The following KIAA1217 variants were observed in gnomAD, a reference collection of about 807,000 sequenced individuals.
KIAA1217 encodes sickle tail protein homolog.
Under a neutral mutation model 163.9 loss-of-function variants are expected in KIAA1217, and 88 were observed. That is an observed-to-expected ratio of 0.54 (90% CI 0.45 to 0.64). The LOEUF (loss-of-function observed/expected upper bound fraction) is 0.64, where lower values mean the gene tolerates loss of function less well. KIAA1217 is among the 30% of genes least tolerant of loss of function. The probability of loss-of-function intolerance (pLI) is 0.00; values close to 1 mark genes in which losing one functional copy is unlikely to be tolerated. For missense variants in KIAA1217, 2,372 were observed against 2,475.0 expected, an observed-to-expected ratio of 0.96 and a Z score of 0.88; for synonymous variants, 903 against 923.1, an observed-to-expected ratio of 0.98 and a Z score of 0.39.
intron 2 of KIAA1217, among the ~76,000 whole-genome samples, chr10:24,328,441 A>G (rs1014527341): frequency 6.6e-6 from 1 of 151,372 alleles, no homozygotes; most frequent in African/African-American, 2.4e-5. Flanking sequence ...TGAGAAAAGA[A>G]CTCAGATAAG....
intron 1 of KIAA1217, among the ~76,000 whole-genome samples, chr10:23,726,031 T>C (rs969373632): frequency 6.6e-6 from 1 of 152,170 alleles, no homozygotes; most frequent in Non-Finnish European, 1.5e-5. Context: ...AAAGGGACCA[T>C]TCTGTATGGA....
At chr10:23,941,263 T>G (rs1464035818) in intron 1 of KIAA1217, among the ~76,000 whole-genome samples, 1 of 152,208 alleles carries the variant, frequency 6.6e-6, no homozygotes, top group African/African-American at 2.4e-5. Flanking sequence ...GAAAACATCA[T>G]TTTTATTACA....
intron 1 of KIAA1217, among the ~76,000 whole-genome samples, chr10:23,831,456 G>A (rs540512681): frequency 6.6e-6 from 1 of 152,042 alleles, no homozygotes; most frequent in African/African-American, 2.4e-5. Context: ...TAAAAGAAAG[G>A]GCAAATAACT....
intron 3 of KIAA1217, among the ~76,000 whole-genome samples, chr10:24,387,730 A>G (rs568622406): frequency 1.3e-5 from 2 of 152,316 alleles, no homozygotes; most frequent in South Asian, 4.1e-4. Context: ...ATCAATGTGC[A>G]AAAATCACAA....
intron 1 of KIAA1217, among the ~76,000 whole-genome samples, chr10:23,957,311 A>G (rs956652193): frequency 1.3e-5 from 2 of 151,694 alleles, no homozygotes; most frequent in Non-Finnish European, 1.5e-5. Flanking sequence ...GTCGTTTCCT[A>G]CCTCATAGTC....
chr10:23,767,490 C>T (rs191738104), intron 1 of KIAA1217, among the ~76,000 whole-genome samples: 784 of 152,166 alleles, frequency 5.2e-3, no homozygotes, highest in Non-Finnish European at 8.6e-3. Context: ...AATCCCAGCA[C>T]TATGGGAGGC....
At chr10:24,142,200 AT>A (rs2064115631) in intron 2 of KIAA1217, among the ~76,000 whole-genome samples, 1 of 152,210 alleles carries the variant, frequency 6.6e-6, no homozygotes. Context: ...AAAATTTACA[AT>A]TGAAAAAAAG....
At position 23,731,909 on chromosome 10, in the gene KIAA1217, G is replaced by A. The variant is rs1304746357; in HGVS notation, c.-321+36675G>A. 2.6e-5 allele frequency among the ~76,000 whole-genome samples: 4 copies of A among 152,114 alleles called. No individual in the cohort carries two copies. The South Asian group carries it at 8.3e-4, about 32-fold the overall frequency. On this transcript the variant is annotated intron_variant, in intron 1 of 18. Transcript: ENST00000376462. ...ATTGATGTGATGGATTATGTTAATT[G>A]ATTTTTAAATATTGAACCAGCCTTG...
At chr10:24,384,011 T>C (rs1333925652) in intron 3 of KIAA1217, among the ~76,000 whole-genome samples, 3 of 152,166 alleles carry the variant, frequency 2.0e-5, no homozygotes, top group Non-Finnish European at 4.4e-5. Context: ...GGATAAACAG[T>C]GCTCCCCAGA....
intron 17 of KIAA1217, among the ~76,000 whole-genome samples, chr10:24,538,610 A>G (rs370549406): frequency 0.028 from 1,698 of 61,526 alleles, 22 homozygotes; most frequent in South Asian, 0.054. Flanking sequence ...GGAAGGAAAA[A>G]GAGAGGAAGG....
intron 1 of KIAA1217, among the ~76,000 whole-genome samples, chr10:23,719,720 C>A (rs528827000): frequency 2.0e-5 from 3 of 151,934 alleles, no homozygotes; most frequent in Non-Finnish European, 4.4e-5. Context: ...AGATCGAGAC[C>A]GTCCTGGCCA....
chr10:24,374,174 T>C (rs7068309), intron 2 of KIAA1217, among the ~76,000 whole-genome samples: 24,627 of 152,188 alleles, frequency 0.16, 2,298 homozygotes, highest in South Asian at 0.31. Flanking sequence ...CCCCTTTATC[T>C]AAGTCAGGGA....
At chr10:24,391,098 T>C (rs2054860505) in intron 3 of KIAA1217, among the ~76,000 whole-genome samples, 1 of 152,148 alleles carries the variant, frequency 6.6e-6, no homozygotes. Context: ...CCTGAGAGAT[T>C]CTATGCCTTT....
chr10:24,021,793 G>T (rs958370592), intron 2 of KIAA1217, among the ~76,000 whole-genome samples: 4 of 151,624 alleles, frequency 2.6e-5, no homozygotes, highest in African/African-American at 9.7e-5. Flanking sequence ...CCAGAAATTG[G>T]CCGATACAAA....
chr10:24,531,233 A>C (rs1014546127), intron 14 of KIAA1217, among the ~76,000 whole-genome samples: 1 of 152,146 alleles, frequency 6.6e-6, no homozygotes, highest in Admixed American at 6.5e-5. Flanking sequence ...AATTTGTTTA[A>C]TTAAAAAAAT....
intron 5 of KIAA1217, among the ~76,000 whole-genome samples, chr10:24,457,628 T>C (rs1043239095): frequency 6.6e-6 from 1 of 152,170 alleles, no homozygotes; most frequent in African/African-American, 2.4e-5. Flanking sequence ...CTCAAACTCC[T>C]GGCTTCTAGC....
chr10:23,890,983 C>A (rs1841393328), intron 1 of KIAA1217, among the ~76,000 whole-genome samples: 1 of 151,872 alleles, frequency 6.6e-6, no homozygotes, highest in Non-Finnish European at 1.5e-5. Flanking sequence ...TACCATTATA[C>A]AGTGTCTTTC....
intron 1 of KIAA1217, among the ~76,000 whole-genome samples, chr10:23,821,711 A>G (rs1011827167): frequency 3.5e-4 from 53 of 152,228 alleles, no homozygotes; most frequent in African/African-American, 1.3e-3. Flanking sequence ...TTCTATATGT[A>G]ATAAAAATCT....
chr10:23,884,628 G>A (rs1335823082), intron 1 of KIAA1217, among the ~76,000 whole-genome samples: 1 of 151,912 alleles, frequency 6.6e-6, no homozygotes, highest in Non-Finnish European at 1.5e-5. Context: ...AGGTAGGGAG[G>A]CCTCTTTCTT....
Sources: gnomAD v4.1 joint callset for allele counts (sites outside exome capture counted in the v4.1 genomes callset) on GRCh38, gnomAD v4.1.1 for gene constraint, MANE v1.5 for transcripts, NCBI Gene and HGNC (gene_info 2026-07-23, HGNC 2026-07-21) for gene names.